The following INTU variants were observed in gnomAD, a reference collection of about 807,000 sequenced individuals.
INTU encodes the protein inturned planar cell polarity protein, also known as protein inturned.
In INTU, 68 loss-of-function variants were observed where a neutral mutation model predicts 100.5. The observed-to-expected ratio is 0.68, with a 90% confidence interval of 0.56 to 0.83. INTU has a LOEUF of 0.83. Ranked by LOEUF, INTU falls within the 40% of genes least tolerant of loss-of-function variation. The pLI is 0.00. For synonymous variants in INTU, 357 were observed against 395.7 expected, an observed-to-expected ratio of 0.90 and a Z score of 1.16; for missense variants, 1,071 against 1,114.7, an observed-to-expected ratio of 0.96 and a Z score of 0.56.
At chr4:127,687,592 G>T (rs555192201) in intron 7 of INTU, 86 bp from the exon 8 acceptor site, 20 of 991,042 alleles carry the variant, frequency 2.0e-5, no homozygotes, top group Non-Finnish European at 3.1e-5. Context: ...CTATGTAGTT[G>T]GGAAAGATCC....
At chr4:127,688,633 T>C (rs1729945772) in intron 8 of INTU, among the ~76,000 whole-genome samples, 1 of 152,208 alleles carries the variant, frequency 6.6e-6, no homozygotes, top group East Asian at 1.9e-4. Flanking sequence ...AAATGCCTTT[T>C]TGACAGCTTA....
intron 3 of INTU, among the ~76,000 whole-genome samples, chr4:127,658,824 G>T (rs1044823697): frequency 6.6e-6 from 1 of 152,070 alleles, no homozygotes; most frequent in African/African-American, 2.4e-5. Flanking sequence ...ACATGCAAGA[G>T]GAGTCAAGTA....
At position 127,720,636 on chromosome 4, in the gene INTU, A is replaced by T. The variant is rs893775394; in HGVS notation, c.*4200A>T. On this transcript the variant is annotated 3_prime_UTR_variant, in exon 16 of 16. Coordinates refer to ENST00000335251, the MANE Select transcript of INTU (RefSeq NM_015693.4). ...TAAGTCTCTTTTTGGGTCTCTAAGA[A>T]CTTGTTTTATGAATCTGAGTGCTCC... 1 of 152,158 alleles carries T rather than the reference A, an allele frequency of 6.6e-6. No homozygotes were observed. Among genetic ancestry groups the T allele is most frequent in the Non-Finnish European group, 1.5e-5 (1 of 68,028 alleles). 9.4% of individuals were successfully genotyped at this position (152,158 alleles called of 1,614,324 possible). A position where few individuals can be genotyped will look rare whatever the true frequency, so the allele number is the denominator to read the frequency against.
At position 127,719,479 on chromosome 4, in the gene INTU, G is replaced by C. The variant is rs1189437048; in HGVS notation, c.*3043G>C. 2.6e-5 allele frequency: 4 copies of C among 152,162 alleles called. No individual in the cohort carries two copies. Among genetic ancestry groups the C allele is most frequent in the African/African-American group, 9.7e-5 (4 of 41,434 alleles). 9.4% of individuals were successfully genotyped at this position (152,162 alleles called of 1,614,324 possible). A position where few individuals can be genotyped will look rare whatever the true frequency, so the allele number is the denominator to read the frequency against. On this transcript the variant is annotated 3_prime_UTR_variant, in exon 16 of 16. Transcript: ENST00000335251. The stretch of plus-strand genomic sequence containing the variant: ...GTATCTCTGCCAGGTTTTGATATCA[G>C]GATGATGCTGGCCTTATAGAATGAG...
Position 127,723,367 on chromosome 4 carries a change from T to C in INTU, c.*6931T>C, listed in dbSNP as rs1222276889. 1 of 149,554 alleles carries C rather than the reference T, an allele frequency of 6.7e-6. No homozygotes were observed. Among genetic ancestry groups the C allele is most frequent in the African/African-American group, 2.5e-5 (1 of 40,452 alleles). 9.3% of individuals were successfully genotyped at this position (149,554 alleles called of 1,614,324 possible). ...GAGCAGAGCTGCCTCTCTTTGACCA[T>C]CTGGGCTCTCTGTTCTACTTTTTTT... On this transcript the variant is annotated 3_prime_UTR_variant, in exon 16 of 16. Coordinates refer to ENST00000335251, the MANE Select transcript of INTU (RefSeq NM_015693.4).
chr4:127,687,635 C>G lies in INTU; in HGVS notation c.1260-43C>G, dbSNP rs777079060. On this transcript the variant is annotated intron_variant, in intron 7 of 15. Coordinates refer to ENST00000335251, the MANE Select transcript of INTU (RefSeq NM_015693.4). ...TTAGGAGCACACAAAAAATGACCAC[C>G]ATTTCCATATGTCGTTCTAACTTAC... 1.2e-5 allele frequency: 18 copies of G among 1,517,018 alleles called. No homozygotes were observed. The East Asian group carries it at 4.1e-4, about 35-fold the overall frequency. 94.0% of individuals were successfully genotyped at this position (1,517,018 alleles called of 1,614,324 possible). A position where few individuals can be genotyped will look rare whatever the true frequency, so the allele number is the denominator to read the frequency against.
At chr4:127,642,127 T>C (rs969088069) in intron 1 of INTU, among the ~76,000 whole-genome samples, 5 of 152,200 alleles carry the variant, frequency 3.3e-5, no homozygotes, top group Non-Finnish European at 5.9e-5. Context: ...TAAATGATTA[T>C]GGTGGGGATA....
chr4:127,636,916 C>T (rs563180337), intron 1 of INTU, among the ~76,000 whole-genome samples: 4 of 152,292 alleles, frequency 2.6e-5, no homozygotes, highest in African/African-American at 9.6e-5. Flanking sequence ...ATTAAAAAGG[C>T]ACATGGTATA....
chr4:127,711,206 GT>G, intron 14 of INTU, 104 bp downstream of exon 14: 1 of 905,986 alleles, frequency 1.1e-6, no homozygotes, highest in Non-Finnish European at 1.6e-6. Context: ...ATTTCATTAA[GT>G]TTTTTTAAAT....
rs1726900791 is a variant in INTU at position 127,633,011 on chromosome 4, C to G, written c.-24C>G. ...TAGCTGCGAGATTTGAATTACTCCACTCGTAGCTATTGCATTCCTGACGAT... is the reference window on the plus strand; with the variant it reads ...TAGCTGCGAGATTTGAATTACTCCAGTCGTAGCTATTGCATTCCTGACGAT... On this transcript the variant is annotated 5_prime_UTR_variant, in exon 1 of 16. Transcript: ENST00000335251. 6.2e-7 allele frequency: 1 copy of G among 1,604,556 alleles called. No homozygotes were observed. The highest frequency in any genetic ancestry group is 8.5e-7 in the Non-Finnish European group (1 of 1,173,250).
At chr4:127,668,625 T>C (rs1386591013) in intron 4 of INTU, among the ~76,000 whole-genome samples, 5 of 151,836 alleles carry the variant, frequency 3.3e-5, no homozygotes, top group Non-Finnish European at 7.4e-5. Context: ...AGACTCTTAA[T>C]AGTTACTTGT....
chr4:127,642,522 A>G (rs1447812121), intron 1 of INTU, among the ~76,000 whole-genome samples: 1 of 152,216 alleles, frequency 6.6e-6, no homozygotes, highest in African/African-American at 2.4e-5. Context: ...AACACTGCAG[A>G]AAACAGAAAT....
Position 127,632,975 on chromosome 4 carries a change from T to G in INTU, c.-60T>G. ...CCCAAGCAGAGGCAACATGGCGGCC[T>G]TAGCAAGCTATAGCTGCGAGATTTG... On this transcript the variant is annotated 5_prime_UTR_variant, in exon 1 of 16. Transcript: ENST00000335251. 6.5e-7 allele frequency: 1 copy of G among 1,547,006 alleles called. No individual in the cohort carries two copies. Among genetic ancestry groups the G allele is most frequent in the East Asian group, 2.3e-5 (1 of 43,558 alleles).
chr4:127,670,483 C>T (rs769741250), intron 5 of INTU, among the ~76,000 whole-genome samples: 6 of 151,864 alleles, frequency 4.0e-5, no homozygotes, highest in Non-Finnish European at 7.4e-5. Context: ...GTACTGGAGG[C>T]TCTATTTAGT....
intron 3 of INTU, among the ~76,000 whole-genome samples, chr4:127,661,929 A>G (rs1217334409): frequency 6.6e-6 from 1 of 151,934 alleles, no homozygotes; most frequent in African/African-American, 2.4e-5. Context: ...TTCCCTTTTC[A>G]CCACGTCTGC....
Position 127,720,269 on chromosome 4 carries a change from T to G in INTU, c.*3833T>G, listed in dbSNP as rs1276645511. The stretch of plus-strand genomic sequence containing the variant: ...AGTCATTCAGGAGCAGGTTGTTCAA[T>G]TTCCACGTAGTTTTGTGGTTTTGAG... On this transcript the variant is annotated 3_prime_UTR_variant, in exon 16 of 16. Transcript: ENST00000335251. The G allele has an allele frequency of 6.6e-6, 1 of 152,222 alleles. No individual in the cohort carries two copies. Among genetic ancestry groups the G allele is most frequent in the African/African-American group, 2.4e-5 (1 of 41,466 alleles). The allele number at this position is 152,222 out of a possible 1,614,324, so 9.4% of individuals were successfully genotyped here.
intron 6 of INTU, among the ~76,000 whole-genome samples, chr4:127,677,788 C>T (rs572474462): frequency 2.6e-4 from 39 of 152,196 alleles, no homozygotes; most frequent in African/African-American, 6.7e-4. Flanking sequence ...AGGCTTCAGA[C>T]GATCAAACTA....
intron 6 of INTU, among the ~76,000 whole-genome samples, chr4:127,674,691 C>A (rs1000765918): frequency 6.6e-6 from 1 of 152,138 alleles, no homozygotes; most frequent in African/African-American, 2.4e-5. Context: ...TCCCTCTTAA[C>A]TTTTTTGTGA....
intron 3 of INTU, among the ~76,000 whole-genome samples, chr4:127,661,653 A>C (rs917998983): frequency 2.0e-5 from 3 of 152,080 alleles, no homozygotes; most frequent in Admixed American, 2.0e-4. Flanking sequence ...CAATCTTCAG[A>C]GCTCCCATCT....
Sources: allele counts gnomAD v4.1 joint callset (sites outside exome capture counted in the v4.1 genomes callset), GRCh38; gene constraint gnomAD v4.1.1; transcripts MANE v1.5; gene names NCBI Gene and HGNC (gene_info 2026-07-23, HGNC 2026-07-21).